ARID2: variants seen among roughly 807,000 people sequenced by gnomAD.
ARID2 encodes AT-rich interactive domain-containing protein 2.
In ARID2, 32 loss-of-function variants were observed where a neutral mutation model predicts 184.6. The observed-to-expected ratio is 0.17, with a 90% CI of 0.13 to 0.23. ARID2 has a LOEUF of 0.23. Among genes scored for constraint, ARID2 ranks in the 10% least tolerant of loss-of-function variants. The probability of loss-of-function intolerance (pLI) is 1.00; values close to 1 mark genes in which losing one functional copy is unlikely to be tolerated. For synonymous variants in ARID2, 836 were observed against 772.6 expected, an observed-to-expected ratio of 1.08 and a Z score of -1.36; for missense variants, 1,696 against 2,197.6, an observed-to-expected ratio of 0.77 and a Z score of 4.56.
At chr12:45,876,625 T>C (rs531168148) in intron 16 of ARID2, among the ~76,000 whole-genome samples, 1 of 148,664 alleles carries the variant, frequency 6.7e-6, no homozygotes, top group East Asian at 2.0e-4. Context: ...AAAGGTGACA[T>C]CAAGATCACT....
chr12:45,814,914 G>A (rs1592093683), intron 4 of ARID2, among the ~76,000 whole-genome samples: 1 of 152,116 alleles, frequency 6.6e-6, no homozygotes, highest in South Asian at 2.1e-4. Context: ...AGCACATCAT[G>A]CAACTTGAAA....
At chr12:45,773,303 A>G (rs189854431) in intron 3 of ARID2, among the ~76,000 whole-genome samples, 70 of 152,164 alleles carry the variant, frequency 4.6e-4, no homozygotes, top group African/African-American at 1.6e-3. Context: ...AAGAAGAAAA[A>G]TCTCAAATTG....
chr12:45,800,235 G>A (rs1942471604), intron 3 of ARID2, among the ~76,000 whole-genome samples: 1 of 151,994 alleles, frequency 6.6e-6, no homozygotes, highest in African/African-American at 2.4e-5. Flanking sequence ...ACAATAACGT[G>A]GCAGAGTAAA....
chr12:45,826,332 G>C (rs1431230040), intron 6 of ARID2, among the ~76,000 whole-genome samples: 1 of 151,852 alleles, frequency 6.6e-6, no homozygotes, highest in East Asian at 1.9e-4. Flanking sequence ...TTAACGAGCT[G>C]GTAATATTTG....
At chr12:45,802,066 A>T (rs10880859) in intron 3 of ARID2, among the ~76,000 whole-genome samples, 2 of 124,440 alleles carry the variant, frequency 1.6e-5, no homozygotes, top group African/African-American at 2.9e-5. Context: ...TGGCTCCCCC[A>T]CCCCCACCCA....
At chr12:45,862,260 T>C (rs1177272802) in intron 16 of ARID2, among the ~76,000 whole-genome samples, 1 of 152,204 alleles carries the variant, frequency 6.6e-6, no homozygotes, top group Non-Finnish European at 1.5e-5. Flanking sequence ...TATATATATG[T>C]GACCTATATA....
At chr12:45,836,306 C>T (rs1416608204) in intron 6 of ARID2, among the ~76,000 whole-genome samples, 2 of 152,152 alleles carry the variant, frequency 1.3e-5, no homozygotes, top group African/African-American at 4.8e-5. Context: ...AATTCCAGGC[C>T]TCAAGTGATC....
chr12:45,897,309 G>A (rs1417953982), intron 20 of ARID2, among the ~76,000 whole-genome samples: 1 of 152,188 alleles, frequency 6.6e-6, no homozygotes, highest in African/African-American at 2.4e-5. Context: ...CAGGGCAAAA[G>A]CTTTATAATA....
chr12:45,889,435 G>A (rs1296217139), intron 16 of ARID2, among the ~76,000 whole-genome samples: 6 of 152,024 alleles, frequency 3.9e-5, no homozygotes, highest in South Asian at 2.1e-4. Context: ...TATGATTTGC[G>A]GGTTGCTGAT....
At chr12:45,805,766 T>G (rs571554178) in intron 3 of ARID2, among the ~76,000 whole-genome samples, 62 of 152,280 alleles carry the variant, frequency 4.1e-4, no homozygotes, top group African/African-American at 1.1e-3. Context: ...CCTTTTTGTT[T>G]TGTGGTGAGA....
chr12:45,800,150 A>C (rs1942469446), intron 3 of ARID2, among the ~76,000 whole-genome samples: 1 of 152,178 alleles, frequency 6.6e-6, no homozygotes, highest in African/African-American at 2.4e-5. Context: ...GTGCCCAGAA[A>C]ATTTAATTTT....
chr12:45,817,465 T>A (rs569737048), intron 4 of ARID2, among the ~76,000 whole-genome samples: 1 of 148,104 alleles, frequency 6.8e-6, no homozygotes, highest in South Asian at 2.1e-4. Flanking sequence ...TTCAAGAATG[T>A]AATTTTAATT....
chr12:45,803,353 G>A (rs1485853237), intron 3 of ARID2, among the ~76,000 whole-genome samples: 1 of 152,064 alleles, frequency 6.6e-6, no homozygotes, highest in East Asian at 1.9e-4. Flanking sequence ...TATCTTCCAT[G>A]TATTAATTTA....
At chr12:45,854,447 G>A (rs1016844604) in intron 15 of ARID2, among the ~76,000 whole-genome samples, 1 of 152,144 alleles carries the variant, frequency 6.6e-6, no homozygotes, top group Non-Finnish European at 1.5e-5. Context: ...AATTAATCCT[G>A]AGTTATTGAT....
At chr12:45,769,909 C>A (rs906223292) in intron 3 of ARID2, among the ~76,000 whole-genome samples, 29 of 152,210 alleles carry the variant, frequency 1.9e-4, no homozygotes, top group East Asian at 5.8e-4. Flanking sequence ...GGGGAAAAAA[C>A]CAAACAAACC....
Position 45,780,864 on chromosome 12 carries a change from C to T in ARID2, c.285-30554C>T, listed in dbSNP as rs143980232. ...CGAACTCCTGACCTCAGGCGATCCACCTGCCTTAGCCTCCCAAAGTGCTGG... is the reference window on the plus strand; with the variant it reads ...CGAACTCCTGACCTCAGGCGATCCATCTGCCTTAGCCTCCCAAAGTGCTGG... On this transcript the variant is annotated intron_variant, in intron 3 of 20. Transcript: ENST00000334344. Among the ~76,000 whole-genome samples the T allele has an allele frequency of 4.6e-4, 70 of 152,248 alleles. 1 individual carries two copies. The East Asian group carries it at 0.011, about 24-fold the overall frequency.
chr12:45,758,745 A>G (rs1354884579), intron 3 of ARID2, among the ~76,000 whole-genome samples: 4 of 152,180 alleles, frequency 2.6e-5, no homozygotes, highest in Non-Finnish European at 5.9e-5. Context: ...TTGCCAGTAC[A>G]TCCTCCTTCC....
chr12:45,844,628 TATAACA>T (rs1243590884), intron 11 of ARID2, among the ~76,000 whole-genome samples: 1 of 152,226 alleles, frequency 6.6e-6, no homozygotes, highest in Non-Finnish European at 1.5e-5. Flanking sequence ...CACGTTACAC[TATAACA>T]ATAATAATAG....
At chr12:45,852,927 T>C (rs779836604) in intron 15 of ARID2, 31 bp downstream of exon 15, 46 of 1,508,592 alleles carry the variant, frequency 3.0e-5, no homozygotes, top group African/African-American at 4.2e-5. Context: ...ATTTCTCTTA[T>C]GAAATTTCTG....
Sources: gnomAD v4.1 joint callset for allele counts (sites outside exome capture counted in the v4.1 genomes callset) on GRCh38, gnomAD v4.1.1 for gene constraint, MANE v1.5 for transcripts, NCBI Gene and HGNC (gene_info 2026-07-23, HGNC 2026-07-21) for gene names.